POMT2: variants seen among roughly 807,000 people sequenced by gnomAD.
POMT2 encodes the protein protein O-mannosyl-transferase 2.
A neutral mutation model predicts 100.0 loss-of-function variants in POMT2; 75 were observed. That is an observed-to-expected ratio of 0.75 (90% CI 0.62 to 0.91). The LOEUF is 0.91. POMT2 is among the 40% of genes least tolerant of loss of function. The probability of loss-of-function intolerance (pLI) is 0.00; values close to 1 mark genes in which losing one functional copy is unlikely to be tolerated. For synonymous variants in POMT2, 378 were observed against 374.1 expected (o/e 1.01, Z -0.12); for missense variants, 940 against 955.1 (o/e 0.98, Z 0.21).
intron 9 of POMT2, 124 bp downstream of exon 9, chr14:77,296,040 G>A: frequency 1.2e-6 from 1 of 821,750 alleles, no homozygotes; most frequent in Admixed American, 2.0e-5. Flanking sequence ...AAACAGAAGG[G>A]TGCAGGGCTA....
At chr14:77,320,319 C>A (rs1891817048) in intron 1 of POMT2, 115 bp downstream of exon 1, 2 of 1,520,006 alleles carry the variant, frequency 1.3e-6, no homozygotes, top group Non-Finnish European at 1.8e-6. Flanking sequence ...TCAAGTTCCC[C>A]TCCACCGTGG....
rs747824396 is a variant in POMT2 at position 77,306,457 on chromosome 14, C to G, written c.334-16G>C. The G allele has an allele frequency of 1.9e-6, 3 of 1,610,870 alleles. No homozygotes were observed. The Admixed American group carries it at 5.0e-5, about 27-fold the overall frequency. On this transcript the variant is annotated splice_polypyrimidine_tract_variant and intron_variant, in intron 2 of 20. Transcript: ENST00000261534. ...CTATCAGCATCTGAGGAGAGAAGAA[C>G]AAACAAAAAGATGAGAAGCCTTTGG...
chr14:77,281,556 C>G (rs1465246064), intron 15 of POMT2, among the ~76,000 whole-genome samples: 1 of 152,150 alleles, frequency 6.6e-6, no homozygotes, highest in Non-Finnish European at 1.5e-5. Flanking sequence ...GGTCAGGATC[C>G]AGGATATTAA....
chr14:77,281,287 T>C (rs1356429935), intron 15 of POMT2, among the ~76,000 whole-genome samples: 1 of 152,160 alleles, frequency 6.6e-6, no homozygotes, highest in Non-Finnish European at 1.5e-5. Flanking sequence ...CCAGGAGCCT[T>C]TGTAGACAAG....
At chr14:77,300,854 T>A in intron 6 of POMT2, 1 of 534,434 alleles carries the variant, frequency 1.9e-6, no homozygotes, top group Non-Finnish European at 3.2e-6. Flanking sequence ...ATAAAACAAA[T>A]GCAAAAAGAG....
chr14:77,298,733 G>A lies in POMT2; in HGVS notation c.962C>T (p.Ala321Val). 1 of 1,613,680 alleles carries A rather than the reference G, an allele frequency of 6.2e-7. No homozygotes were observed. The highest frequency in any genetic ancestry group is 1.1e-5 in the South Asian group (1 of 90,866). Residue 321 changes from alanine (A) to valine (V), a missense_variant, in exon 8 of 21, where the codon GCC becomes GTC. Ala to Val is a moderately conservative substitution (Grantham distance 64). Transcript: ENST00000261534. ...GTGCAGGTTGTTCCCTGAAAGCCGG[G>A]CCTGGAAGGCAGAACTGAAGAAACC... ...GDGFFSSAFQ[A>V]RLSGNNLHNA...
chr14:77,315,465 T>C (rs1325152310), intron 1 of POMT2, among the ~76,000 whole-genome samples: 1 of 152,188 alleles, frequency 6.6e-6, no homozygotes, highest in Non-Finnish European at 1.5e-5. Flanking sequence ...ACTGGTAATG[T>C]TTGAGCCACG....
chr14:77,283,672 T>G, intron 15 of POMT2, 125 bp downstream of exon 15: 1 of 884,798 alleles, frequency 1.1e-6, no homozygotes, highest in South Asian at 1.3e-5. Context: ...AAAACCGTAG[T>G]AAAGATGCTT....
In POMT2 at chr14:77,320,538, GC is replaced by G; in HGVS notation, c.143del (p.Gly48AlafsTer17). ...AGCCGACCGCCTCGAAGCGCCGTGA[GC>G]CCCAAGCAGGCCGTTTGGGGCTTCG... ...VARSPKRPAWGSRRFEAVGWW... is the reference protein window; with the variant it reads ...VARSPKRPAWXSRRFEAVGWW... On this transcript the variant is annotated frameshift_variant, in exon 1 of 21. Transcript: ENST00000261534. LOFTEE classifies it high-confidence loss of function. 1 of 1,562,094 alleles carries G rather than the reference GC, an allele frequency of 6.4e-7. No homozygotes were observed. The highest frequency in any genetic ancestry group is 8.6e-7 in the Non-Finnish European group (1 of 1,159,580).
intron 15 of POMT2, among the ~76,000 whole-genome samples, chr14:77,282,488 C>T (rs1440450551): frequency 1.3e-5 from 2 of 152,182 alleles, no homozygotes; most frequent in African/African-American, 2.4e-5. Context: ...TAAGAAAGCT[C>T]TCATTACTTC....
intron 11 of POMT2, chr14:77,287,579 C>T (rs1487252320): frequency 6.7e-6 from 1 of 150,330 alleles, no homozygotes; most frequent in Non-Finnish European, 1.5e-5. Context: ...CACATACACA[C>T]CTCTGATTTT....
chr14:77,296,525 A>T (rs1890837419), intron 8 of POMT2: 1 of 533,590 alleles, frequency 1.9e-6, no homozygotes, highest in African/African-American at 1.9e-5. Context: ...TTATCAAAGC[A>T]CTACGTGTAA....
At chr14:77,288,552 G>A (rs1258080475) in intron 11 of POMT2, among the ~76,000 whole-genome samples, 1 of 152,054 alleles carries the variant, frequency 6.6e-6, no homozygotes, top group East Asian at 1.9e-4. Flanking sequence ...TTTTCCTCTA[G>A]GAAATGGGAA....
chr14:77,283,266 T>C (rs1015981394), intron 15 of POMT2, among the ~76,000 whole-genome samples: 3 of 152,258 alleles, frequency 2.0e-5, no homozygotes, highest in Non-Finnish European at 4.4e-5. Context: ...TTTCATATGA[T>C]GGAATGAACT....
intron 6 of POMT2, chr14:77,299,848 T>C (rs1177080622): frequency 5.0e-6 from 2 of 400,392 alleles, no homozygotes; most frequent in East Asian, 5.7e-5. Context: ...TGCAACACAG[T>C]TGCTCACCAG....
At position 77,285,498 on chromosome 14, in the gene POMT2, T is replaced by A. The variant is rs1555352583; in HGVS notation, c.1467A>T (p.Gly489=). 2 of 1,614,068 alleles carry A rather than the reference T, an allele frequency of 1.2e-6. No individual in the cohort carries two copies. Among genetic ancestry groups the A allele is most frequent in the South Asian group, 1.1e-5 (1 of 91,078 alleles). The change falls in exon 13 of 21, where the codon GGA becomes GGT. Residue 489 remains glycine (G), a synonymous_variant. Transcript: ENST00000261534. The part of the protein sequence containing the change: ...LVTGCVLGSS[G]KVLPKWGWEQ... ...AGACTTACCACTTGGGCAGAACCTT[T>A]CCCGAGGAGCCCAGGACACAACCTG... is the stretch of plus-strand genomic sequence containing the variant.
Position 77,291,241 on chromosome 14 carries a change from C to A in POMT2, c.1183+73G>T, listed in dbSNP as rs1890629298. On this transcript the variant is annotated intron_variant, in intron 10 of 20. Transcript: ENST00000261534. ...AGCCCATCTCAGGATCATTCTTTTG[C>A]AGGCATGAGAAATCTTAAGGAGGGC... 8 of 1,427,574 alleles carry A rather than the reference C, an allele frequency of 5.6e-6. No homozygotes were observed. In the East Asian group the frequency reaches 1.6e-4, roughly 29 times the overall value. The allele number at this position is 1,427,574 out of a possible 1,614,324, so 88.4% of individuals were successfully genotyped here. A position where few individuals can be genotyped will look rare whatever the true frequency, so the allele number is the denominator to read the frequency against.
In POMT2 at chr14:77,320,426, T is replaced by C; in HGVS notation, c.248+8A>G. On this transcript the variant is annotated splice_region_variant and intron_variant, in intron 1 of 20. Coordinates refer to ENST00000261534, the MANE Select transcript of POMT2 (RefSeq NM_013382.7). Reference sequence around the variant, plus strand: ...CATGGTGCCCGCCGAGTCCCTCCCATCACTCACCAGATGTGCGGCGGCTCG... The same window carrying C: ...CATGGTGCCCGCCGAGTCCCTCCCACCACTCACCAGATGTGCGGCGGCTCG... The C allele has an allele frequency of 6.5e-7, 1 of 1,546,370 alleles. No individual in the cohort carries two copies.
chr14:77,283,846 T>G lies in POMT2; in HGVS notation c.1604A>C (p.Gln535Pro). Residue 535 changes from glutamine to proline, a missense_variant, in exon 15 of 21, where the codon CAG (glutamine) becomes CCG (proline). Gln to Pro is a moderately conservative substitution (Grantham distance 76, BLOSUM62 -1). Coordinates refer to ENST00000261534, the MANE Select transcript of POMT2 (RefSeq NM_013382.7). ...KLPNISLDVL[Q>P]PSFPEILLES... The stretch of plus-strand genomic sequence containing the variant: ...CAGCAAGATCTCAGGAAAACTGGGC[T>G]GTAGCACATCCAGGCTGATGTTTGG... 1 of 1,613,238 alleles carries G rather than the reference T, an allele frequency of 6.2e-7. No individual in the cohort carries two copies. The highest frequency in any genetic ancestry group is 8.5e-7 in the Non-Finnish European group (1 of 1,179,152).
Sources: gnomAD v4.1 joint callset for allele counts (sites outside exome capture counted in the v4.1 genomes callset) on GRCh38, gnomAD v4.1.1 for gene constraint, MANE v1.5 for transcripts, NCBI Gene and HGNC (gene_info 2026-07-23, HGNC 2026-07-21) for gene names.